Variants in KCNIP1 observed in about 807,000 individuals in gnomAD.
KCNIP1 encodes potassium voltage-gated channel interacting protein 1, also known as A-type potassium channel modulatory protein KCNIP1.
Under a neutral mutation model 33.0 loss-of-function variants are expected in KCNIP1, and 18 were observed. The observed-to-expected ratio is 0.55, with a 90% CI of 0.38 to 0.81. The LOEUF is 0.81. KCNIP1 is among the 30% of genes least tolerant of loss of function. The pLI is 0.00. For synonymous variants in KCNIP1, 93 were observed against 98.3 expected, an observed-to-expected ratio of 0.95 and a Z score of 0.32; for missense variants, 238 against 271.6, an observed-to-expected ratio of 0.88 and a Z score of 0.87.
In KCNIP1 at chr5:170,735,657, C is replaced by A. The variant is rs1044027269; in HGVS notation, c.604-102C>A. 7.1e-6 allele frequency: 7 copies of A among 990,098 alleles called. No individual in the cohort carries two copies. In the African/African-American group the frequency reaches 1.1e-4, roughly 16 times the overall value. The allele number at this position is 990,098 out of a possible 1,614,324, so 61.3% of individuals were successfully genotyped here. A position where few individuals can be genotyped will look rare whatever the true frequency, so the allele number is the denominator to read the frequency against. ...GTTTTTCATACCCTTGTAGAGTTTT[C>A]TCCATATAGGAAACCCATGCTTGAC... On this transcript the variant is annotated intron_variant, in intron 7 of 7. Coordinates refer to ENST00000328939, the MANE Select transcript of KCNIP1 (RefSeq NM_014592.4).
At chr5:170,456,366 T>C (rs1756374541) in intron 1 of KCNIP1, among the ~76,000 whole-genome samples, 1 of 151,728 alleles carries the variant, frequency 6.6e-6, no homozygotes, top group African/African-American at 2.4e-5. Context: ...GCATATGGGG[T>C]TTAAAACCTA....
In KCNIP1 at chr5:170,654,604, G is replaced by T. The variant is rs542991853; in HGVS notation, c.62-64154G>T. On this transcript the variant is annotated intron_variant, in intron 1 of 7. Transcript: ENST00000328939. ...AAAGTATTCGTTCCAGCTACTGTTGGATTTGTTCATTACTGTTTCCCATGC... is the reference window on the plus strand; with the variant it reads ...AAAGTATTCGTTCCAGCTACTGTTGTATTTGTTCATTACTGTTTCCCATGC... 2.0e-5 allele frequency among the ~76,000 whole-genome samples: 3 copies of T among 152,296 alleles called. No individual in the cohort carries two copies. In the South Asian group the frequency reaches 6.2e-4, roughly 32 times the overall value.
chr5:170,422,002 A>G (rs1581177298), intron 1 of KCNIP1: 1 of 151,964 alleles, frequency 6.6e-6, no homozygotes, highest in East Asian at 2.0e-4. Flanking sequence ...ATGACTTGGC[A>G]GGGAGAAGAA....
intron 1 of KCNIP1, among the ~76,000 whole-genome samples, chr5:170,601,943 A>G (rs56269404): frequency 0.32 from 48,290 of 152,036 alleles, 8,772 homozygotes; most frequent in Non-Finnish European, 0.42. Context: ...TGCTGCCAGA[A>G]ACCGAGATGG....
chr5:170,634,345 G>A (rs1235173367), intron 1 of KCNIP1, among the ~76,000 whole-genome samples: 1 of 152,180 alleles, frequency 6.6e-6, no homozygotes, highest in East Asian at 1.9e-4. Context: ...ATGGATGGGT[G>A]CCACGCCCAC....
At chr5:170,554,777 G>A (rs536669857) in intron 1 of KCNIP1, among the ~76,000 whole-genome samples, 1 of 152,256 alleles carries the variant, frequency 6.6e-6, no homozygotes, top group South Asian at 2.1e-4. Flanking sequence ...CTTCCTGTAT[G>A]TGTCATGCTC....
intron 1 of KCNIP1, among the ~76,000 whole-genome samples, chr5:170,479,261 C>A (rs543450268): frequency 6.6e-6 from 1 of 152,204 alleles, no homozygotes; most frequent in Non-Finnish European, 1.5e-5. Flanking sequence ...TCTTAGCAGG[C>A]ACTAGCAGAA....
chr5:170,443,119 T>A (rs558790100), intron 1 of KCNIP1, among the ~76,000 whole-genome samples: 1 of 152,136 alleles, frequency 6.6e-6, no homozygotes, highest in Non-Finnish European at 1.5e-5. Context: ...AGGGGTTCCA[T>A]GGTAGGCACC....
chr5:170,661,177 C>T (rs1761469700), intron 1 of KCNIP1, among the ~76,000 whole-genome samples: 1 of 152,140 alleles, frequency 6.6e-6, no homozygotes, highest in Non-Finnish European at 1.5e-5. Flanking sequence ...GTCTGGAGCT[C>T]AAAGGAGAGG....
chr5:170,628,854 G>C (rs1247643227), intron 1 of KCNIP1, among the ~76,000 whole-genome samples: 1 of 152,144 alleles, frequency 6.6e-6, no homozygotes, highest in East Asian at 1.9e-4. Flanking sequence ...TTGCAGCTTT[G>C]GCCCCCAGCC....
chr5:170,576,967 G>A (rs1757624282), intron 1 of KCNIP1, among the ~76,000 whole-genome samples: 2 of 152,192 alleles, frequency 1.3e-5, no homozygotes, highest in African/African-American at 2.4e-5. Context: ...TGTGGGAAGG[G>A]ACCCAGCAGG....
At chr5:170,726,679 C>T (rs1764015923) in intron 5 of KCNIP1, among the ~76,000 whole-genome samples, 1 of 147,900 alleles carries the variant, frequency 6.8e-6, no homozygotes. Flanking sequence ...GCAGGCGGAT[C>T]ACTTGAGCTC....
At chr5:170,578,978 G>A (rs965202551) in intron 1 of KCNIP1, among the ~76,000 whole-genome samples, 1 of 152,178 alleles carries the variant, frequency 6.6e-6, no homozygotes, top group Non-Finnish European at 1.5e-5. Context: ...CATGACTGGA[G>A]CATAGGGAGT....
intron 1 of KCNIP1, among the ~76,000 whole-genome samples, chr5:170,361,982 C>T (rs574904975): frequency 6.6e-6 from 1 of 152,306 alleles, no homozygotes; most frequent in South Asian, 2.1e-4. Context: ...TCAGTCTCTT[C>T]ATCTCTAAAA....
chr5:170,419,644 G>C (rs1372350684), intron 1 of KCNIP1, among the ~76,000 whole-genome samples: 3 of 152,338 alleles, frequency 2.0e-5, no homozygotes, highest in Non-Finnish European at 4.4e-5. Flanking sequence ...GATGTACCAA[G>C]TGCTTAATAT....
At chr5:170,364,797 G>A (rs1189280818) in intron 1 of KCNIP1, among the ~76,000 whole-genome samples, 1 of 152,138 alleles carries the variant, frequency 6.6e-6, no homozygotes, top group African/African-American at 2.4e-5. Flanking sequence ...TATGTTTAAG[G>A]TATACAGTGT....
chr5:170,710,514 A>AT (rs1224248411), intron 1 of KCNIP1, among the ~76,000 whole-genome samples: 1 of 152,100 alleles, frequency 6.6e-6, no homozygotes, highest in African/African-American at 2.4e-5. Flanking sequence ...TGCCTGACAG[A>AT]TTTTTACTGA....
At chr5:170,398,067 C>T (rs1178321485) in intron 1 of KCNIP1, among the ~76,000 whole-genome samples, 1 of 152,178 alleles carries the variant, frequency 6.6e-6, no homozygotes, top group Non-Finnish European at 1.5e-5. Flanking sequence ...GTAGATGTTT[C>T]TTATCAGACT....
Position 170,390,517 on chromosome 5 carries a change from A to AAATATATATATATATATATATAT in KCNIP1, c.88+36554_88+36555insATATATATATATATATATATATA. Among the ~76,000 whole-genome samples the AAATATATATATATATATATATAT allele has an allele frequency of 1.2e-4, 9 of 74,542 alleles. 1 individual carries two copies. Among genetic ancestry groups the AAATATATATATATATATATATAT allele is most frequent in the African/African-American group, 3.2e-4 (5 of 15,620 alleles). 48.9% of individuals were successfully genotyped at this position (74,542 alleles called of 152,430 possible). A position where few individuals can be genotyped will look rare whatever the true frequency, so the allele number is the denominator to read the frequency against. ...GACCCCGTCTCAAAAAAAAAAAACA[A>AAATATATATATATATATATATAT]ATATATATATATATATATATATTTT... On this transcript the variant is annotated intron_variant, in intron 1 of 7. Coordinates refer to the KCNIP1 transcript ENST00000377360.
Sources: allele counts gnomAD v4.1 joint callset (sites outside exome capture counted in the v4.1 genomes callset), GRCh38; gene constraint gnomAD v4.1.1; transcripts MANE v1.5; gene names NCBI Gene and HGNC (gene_info 2026-07-23, HGNC 2026-07-21).